Variants in NAA11 observed in about 807,000 individuals in gnomAD.
NAA11 encodes N-alpha-acetyltransferase 11.
In NAA11, 15 loss-of-function variants were observed where a neutral mutation model predicts 16.1. That is an observed-to-expected ratio of 0.93 (90% CI 0.62 to 1.44). The LOEUF (loss-of-function observed/expected upper bound fraction) is 1.44, where lower values mean the gene tolerates loss of function less well. NAA11 is among the 40% of genes most tolerant of loss of function. The pLI is 0.00. For synonymous variants in NAA11, 122 were observed against 112.4 expected (o/e 1.09, Z -0.54); for missense variants, 298 against 291.3 (o/e 1.02, Z -0.17).
rs767272573 is a variant in NAA11 at position 79,325,552 on chromosome 4, A to G, written c.326T>C (p.Leu109Pro). The G allele has an allele frequency of 2.9e-5, 47 of 1,614,024 alleles. No homozygotes were observed. Among genetic ancestry groups the G allele is most frequent in the Non-Finnish European group, 2.7e-5 (32 of 1,180,002 alleles). ...TGGCCGGTTACTCTTCCTGACGTGC[A>G]GAGACACGTATTTGGCGTTAAAGTT... ...IENFNAKYVS[L>P]HVRKSNRPAL... Residue 109 changes from leucine to proline, a missense_variant, in exon 1 of 2, where the codon CTG (leucine) becomes CCG (proline). Physicochemically the swap from Leu to Pro is moderately conservative, Grantham distance 98. Coordinates refer to ENST00000286794, the MANE Select transcript of NAA11 (RefSeq NM_032693.3).
chr4:79,198,415 C>A, the NAA11 span, among the ~76,000 whole-genome samples: 2 of 151,890 alleles, frequency 1.3e-5, no homozygotes, highest in Admixed American at 6.6e-5. Context: ...GCATGGGAAT[C>A]AATAACTAAG....
intron 1 of NAA11, among the ~76,000 whole-genome samples, chr4:79,321,167 G>A (rs1724078111): frequency 6.6e-6 from 1 of 152,178 alleles, no homozygotes; most frequent in South Asian, 2.1e-4. Context: ...GCCTAACAGA[G>A]TTCCCTGGGC....
At chr4:79,220,610 G>T in the NAA11 span, among the ~76,000 whole-genome samples, 1 of 151,940 alleles carries the variant, frequency 6.6e-6, no homozygotes, top group Non-Finnish European at 1.5e-5. Flanking sequence ...GTATTAATTT[G>T]TTTAATTGCA....
rs72664055 is a variant in NAA11 at position 79,326,034 on chromosome 4, C to G, written c.-157G>C. The G allele has an allele frequency of 0.032, 20,430 of 639,530 alleles. 421 individuals carry two copies. The highest frequency in any genetic ancestry group is 0.061 in the African/African-American group (3,340 of 54,320). 39.6% of individuals were successfully genotyped at this position (639,530 alleles called of 1,614,324 possible). ...GCGGATGGCGGGAAGGCGGAAGGAGCAGGAGATGGAAAAGATGGTGCCAAA... is the reference window on the plus strand; with the variant it reads ...GCGGATGGCGGGAAGGCGGAAGGAGGAGGAGATGGAAAAGATGGTGCCAAA... On this transcript the variant is annotated 5_prime_UTR_variant, in exon 1 of 2. Transcript: ENST00000286794.
At chr4:79,296,077 A>G (rs577861186) in intron 1 of NAA11, among the ~76,000 whole-genome samples, 1 of 152,274 alleles carries the variant, frequency 6.6e-6, no homozygotes, top group Non-Finnish European at 1.5e-5. Context: ...CACTAAACCA[A>G]ATTCTTCCTT....
intron 2 of NAA11, among the ~76,000 whole-genome samples, chr4:79,276,619 G>A (rs904547339): frequency 1.3e-5 from 2 of 152,162 alleles, no homozygotes; most frequent in Admixed American, 1.3e-4. Context: ...TGGATGTGTG[G>A]TGGTATTGTG....
chr4:79,274,274 C>T (rs1722568081), intron 2 of NAA11, among the ~76,000 whole-genome samples: 1 of 152,038 alleles, frequency 6.6e-6, no homozygotes, highest in South Asian at 2.1e-4. Flanking sequence ...GTTGGCAATT[C>T]TACACTGCAT....
rs1195880933 is a variant in NAA11, at chr4:79,325,672, T to G, written c.206A>C (p.His69Pro). ...KMEEEPDDVP[H>P]GHITSLAVKR... The stretch of plus-strand genomic sequence containing the variant: ...CACGGCCAGTGAGGTGATATGGCCA[T>G]GCGGGACATCATCTGGTTCCTCCTC... The change falls in exon 1 of 2, where the codon CAT becomes CCT. Residue 69 changes from histidine (H) to proline (P), a missense_variant. By Grantham distance (77) the His-to-Pro change is moderately conservative. Coordinates refer to ENST00000286794, the MANE Select transcript of NAA11 (RefSeq NM_032693.3). 1.2e-6 allele frequency: 2 copies of G among 1,614,112 alleles called. No homozygotes were observed. The highest frequency in any genetic ancestry group is 1.7e-6 in the Non-Finnish European group (2 of 1,179,982).
At chr4:79,167,248 C>T in the NAA11 span, among the ~76,000 whole-genome samples, 6 of 117,860 alleles carry the variant, frequency 5.1e-5, no homozygotes, top group Admixed American at 9.3e-5. Context: ...CACACACACA[C>T]ACCCACATAT....
chr4:79,206,802 C>T, the NAA11 span, among the ~76,000 whole-genome samples: 3 of 152,016 alleles, frequency 2.0e-5, no homozygotes, highest in African/African-American at 7.2e-5. Flanking sequence ...TTTTAGTGTA[C>T]TCTCGTAGCA....
intron 2 of NAA11, among the ~76,000 whole-genome samples, chr4:79,245,889 G>A (rs1721810938): frequency 2.0e-5 from 3 of 152,342 alleles, no homozygotes; most frequent in African/African-American, 7.2e-5. Context: ...GTACCCAACA[G>A]CTCATTGAGA....
chr4:79,169,988 T>A, the NAA11 span, among the ~76,000 whole-genome samples: 1 of 152,228 alleles, frequency 6.6e-6, no homozygotes, highest in Non-Finnish European at 1.5e-5. Context: ...TTTCTGACCC[T>A]ACATGCTCTT....
rs370685197 is a variant in NAA11, at chr4:79,248,294, C to G, written c.*123-22024G>C. On this transcript the variant is annotated intron_variant and NMD_transcript_variant, in intron 2 of 2. Transcript: ENST00000511542. The stretch of plus-strand genomic sequence containing the variant: ...CGCCTGCACCTTCCCCCAACTGCAA[C>G]CTCCCCCATACTGCTTTGTCAGTAC... 3.8e-4 allele frequency among the ~76,000 whole-genome samples: 58 copies of G among 152,224 alleles called. No individual in the cohort carries two copies. In the South Asian group the frequency reaches 5.6e-3, roughly 15 times the overall value.
rs919502390 is a variant in NAA11 at position 79,284,405 on chromosome 4, T to C, written c.*122+9600A>G. 2.0e-5 allele frequency among the ~76,000 whole-genome samples: 3 copies of C among 152,100 alleles called. No individual in the cohort carries two copies. In the South Asian group the frequency reaches 6.2e-4, roughly 32 times the overall value. Reference sequence around the variant, plus strand: ...CGAATCTTGACTGTCATAGGGTATCTTCCTCTGAGGTAGAGCATAAATTTT... The same window carrying C: ...CGAATCTTGACTGTCATAGGGTATCCTCCTCTGAGGTAGAGCATAAATTTT... On this transcript the variant is annotated intron_variant and NMD_transcript_variant, in intron 2 of 2. Coordinates refer to the NAA11 transcript ENST00000511542.
chr4:79,318,966 G>A (rs1578196627), intron 1 of NAA11, among the ~76,000 whole-genome samples: 1 of 151,668 alleles, frequency 6.6e-6, no homozygotes, highest in East Asian at 1.9e-4. Flanking sequence ...CACCCAGACT[G>A]GAGCACAGTG....
the NAA11 span, among the ~76,000 whole-genome samples, chr4:79,173,459 C>A: frequency 6.6e-6 from 1 of 151,970 alleles, no homozygotes; most frequent in Non-Finnish European, 1.5e-5. Context: ...TGTTTACCAT[C>A]TCATCTCATA....
chr4:79,312,337 TTTTA>T (rs1345039498), downstream of NAA11, among the ~76,000 whole-genome samples: 14 of 152,192 alleles, frequency 9.2e-5, no homozygotes, highest in East Asian at 5.8e-4. Context: ...TTTACTAATG[TTTTA>T]TTTATTTATT....
chr4:79,206,229 C>A, the NAA11 span, among the ~76,000 whole-genome samples: 1 of 152,038 alleles, frequency 6.6e-6, no homozygotes, highest in South Asian at 2.1e-4. Flanking sequence ...ACTGATTCTT[C>A]TAATCCATGA....
At chr4:79,249,558 A>C (rs1486141221) in intron 2 of NAA11, among the ~76,000 whole-genome samples, 1 of 152,212 alleles carries the variant, frequency 6.6e-6, no homozygotes, top group East Asian at 1.9e-4. Flanking sequence ...AGTCAGACAA[A>C]TATAAAGAAA....
Sources: allele counts gnomAD v4.1 joint callset (sites outside exome capture counted in the v4.1 genomes callset), GRCh38; gene constraint gnomAD v4.1.1; transcripts MANE v1.5; gene names NCBI Gene and HGNC (gene_info 2026-07-23, HGNC 2026-07-21).